SLC24A4: variants seen among roughly 807,000 people sequenced by gnomAD.
The protein encoded by SLC24A4 is solute carrier family 24 member 4, also known as sodium/potassium/calcium exchanger 4.
SLC24A4 carries 53 observed loss-of-function variants against 79.0 expected under a neutral mutation model. The observed-to-expected ratio is 0.67, with a 90% CI of 0.54 to 0.84. SLC24A4 has a LOEUF of 0.84. Ranked by LOEUF, SLC24A4 falls within the 40% of genes least tolerant of loss-of-function variation. SLC24A4 has a pLI of 0.00. For synonymous variants in SLC24A4, 323 were observed against 323.8 expected, an observed-to-expected ratio of 1.00 and a Z score of 0.03; for missense variants, 731 against 822.0, an observed-to-expected ratio of 0.89 and a Z score of 1.35.
At chr14:92,466,804 A>G (rs889963653) in intron 12 of SLC24A4, among the ~76,000 whole-genome samples, 1 of 152,062 alleles carries the variant, frequency 6.6e-6, no homozygotes, top group Admixed American at 6.5e-5. Context: ...CAGGATTTAG[A>G]CTCTGAAGAC....
chr14:92,434,579 A>G lies in SLC24A4; in HGVS notation c.318+591A>G, dbSNP rs781162842. 3.9e-5 allele frequency among the ~76,000 whole-genome samples: 6 copies of G among 152,142 alleles called. No homozygotes were observed. The East Asian group carries it at 7.7e-4, about 20-fold the overall frequency. On this transcript the variant is annotated intron_variant, in intron 3 of 16. Transcript: ENST00000532405. ...CTCCTCATGCTGGGCAGTAGCACCA[A>G]TTGCAGCTCCCAGTCAGTCACGTGG...
intron 2 of SLC24A4, among the ~76,000 whole-genome samples, chr14:92,357,340 C>T (rs1887236193): frequency 6.6e-6 from 1 of 152,106 alleles, no homozygotes; most frequent in African/African-American, 2.4e-5. Context: ...ACTCAGGAAA[C>T]GTAACTAGGA....
intron 1 of SLC24A4, 98 bp downstream of exon 1, chr14:92,324,058 A>G: frequency 1.3e-6 from 2 of 1,483,892 alleles, no homozygotes; most frequent in Non-Finnish European, 1.8e-6. Context: ...CTTCCTCATC[A>G]GGTTGGTCCC....
chr14:92,452,077 A>T (rs1484077881), intron 10 of SLC24A4: 1 of 152,308 alleles, frequency 6.6e-6, no homozygotes, highest in Non-Finnish European at 1.5e-5. Context: ...TGTAGCTTTT[A>T]TCAGAGTGAA....
intron 2 of SLC24A4, among the ~76,000 whole-genome samples, chr14:92,339,611 C>T (rs1329175339): frequency 2.0e-5 from 3 of 152,116 alleles, no homozygotes; most frequent in Non-Finnish European, 4.4e-5. Flanking sequence ...GGCGGAGGGT[C>T]CCCCTGGCTG....
At chr14:92,448,360 A>AC (rs896091132) in intron 9 of SLC24A4, among the ~76,000 whole-genome samples, 16 of 151,188 alleles carry the variant, frequency 1.1e-4, no homozygotes, top group Admixed American at 2.6e-4. Flanking sequence ...ACACACACAC[A>AC]CACACACACA....
intron 12 of SLC24A4, among the ~76,000 whole-genome samples, chr14:92,457,935 C>T (rs1475350813): frequency 6.6e-6 from 1 of 152,214 alleles, no homozygotes; most frequent in African/African-American, 2.4e-5. Context: ...CGGTAGGTGG[C>T]GTGGGCCTGG....
intron 2 of SLC24A4, among the ~76,000 whole-genome samples, chr14:92,405,154 C>G (rs1254666203): frequency 6.6e-6 from 1 of 152,082 alleles, no homozygotes; most frequent in East Asian, 1.9e-4. Flanking sequence ...CCTCTCTGTG[C>G]CCTTGACTCA....
intron 2 of SLC24A4, among the ~76,000 whole-genome samples, chr14:92,373,000 C>CT (rs1299128584): frequency 7.2e-6 from 1 of 138,804 alleles, no homozygotes; most frequent in Non-Finnish European, 1.6e-5. Context: ...TCTCTCTCTT[C>CT]TTTCTTTCTT....
At chr14:92,354,860 G>A (rs770219331) in intron 2 of SLC24A4, among the ~76,000 whole-genome samples, 5 of 152,130 alleles carry the variant, frequency 3.3e-5, no homozygotes, top group Non-Finnish European at 7.4e-5. Flanking sequence ...GATTGAATGA[G>A]GCCAAGAGTT....
chr14:92,385,877 C>T (rs1889129842), intron 2 of SLC24A4, among the ~76,000 whole-genome samples: 1 of 152,218 alleles, frequency 6.6e-6, no homozygotes, highest in Non-Finnish European at 1.5e-5. Context: ...TGTCGCACCT[C>T]CTGGGATGCG....
At chr14:92,488,884 T>G (rs1895520580) in intron 14 of SLC24A4, among the ~76,000 whole-genome samples, 1 of 151,782 alleles carries the variant, frequency 6.6e-6, no homozygotes, top group Non-Finnish European at 1.5e-5. Flanking sequence ...GGCCCTGGAG[T>G]TCAGGCTAGG....
At position 92,340,563 on chromosome 14, in the gene SLC24A4, G is replaced by A. The variant is rs906218766; in HGVS notation, c.241+14585G>A. Among the ~76,000 whole-genome samples the A allele has an allele frequency of 3.1e-4, 30 of 97,920 alleles. 1 individual carries two copies. The highest frequency in any genetic ancestry group is 1.1e-3 in the African/African-American group (28 of 24,796). The allele number at this position is 97,920 out of a possible 152,430, so 64.2% of individuals were successfully genotyped here. On this transcript the variant is annotated intron_variant, in intron 2 of 16. Transcript: ENST00000532405. ...CAGGTCCTTGGGTGTGGTGGCTTCC[G>A]AGGCTGCATCATGCCAAACCTGCAG... is the stretch of plus-strand genomic sequence containing the variant.
intron 3 of SLC24A4, among the ~76,000 whole-genome samples, chr14:92,437,433 C>G (rs1892237949): frequency 6.6e-6 from 1 of 152,230 alleles, no homozygotes; most frequent in South Asian, 2.1e-4. Context: ...CTCAGTGAAG[C>G]CGTGCTGGCT....
chr14:92,388,540 C>T (rs576739547), intron 2 of SLC24A4, among the ~76,000 whole-genome samples: 11 of 152,302 alleles, frequency 7.2e-5, no homozygotes, highest in African/African-American at 2.4e-4. Flanking sequence ...TAGCTGCCCA[C>T]GGCCTGGTTC....
intron 2 of SLC24A4, among the ~76,000 whole-genome samples, chr14:92,335,505 C>T (rs933678391): frequency 7.4e-5 from 11 of 148,446 alleles, no homozygotes; most frequent in Non-Finnish European, 1.6e-4. Context: ...CAGGCATGTG[C>T]CACCACGCCC....
intron 3 of SLC24A4, among the ~76,000 whole-genome samples, chr14:92,438,067 A>G (rs1463406410): frequency 6.6e-6 from 1 of 152,184 alleles, no homozygotes; most frequent in Non-Finnish European, 1.5e-5. Context: ...AACTCAATTC[A>G]GTTCTGACAC....
intron 2 of SLC24A4, among the ~76,000 whole-genome samples, chr14:92,425,348 C>T (rs1334888335): frequency 2.0e-5 from 3 of 152,208 alleles, no homozygotes; most frequent in Non-Finnish European, 4.4e-5. Flanking sequence ...CTAAGGATTC[C>T]AGTGGACATG....
At chr14:92,438,109 C>T (rs986784893) in intron 3 of SLC24A4, among the ~76,000 whole-genome samples, 2 of 152,086 alleles carry the variant, frequency 1.3e-5, no homozygotes, top group Non-Finnish European at 2.9e-5. Flanking sequence ...CTCCCACCCA[C>T]CAAGGGCTCA....
Sources: allele counts gnomAD v4.1 joint callset (sites outside exome capture counted in the v4.1 genomes callset), GRCh38; gene constraint gnomAD v4.1.1; transcripts MANE v1.5; gene names NCBI Gene and HGNC (gene_info 2026-07-23, HGNC 2026-07-21).